The following BCKDHB variants were observed in gnomAD, a reference collection of about 807,000 sequenced individuals.
The protein encoded by BCKDHB is 2-oxoisovalerate dehydrogenase subunit beta, mitochondrial.
A neutral mutation model predicts 48.5 loss-of-function variants in BCKDHB; 41 were observed. That is an observed-to-expected ratio of 0.85 (90% CI 0.66 to 1.10). BCKDHB has a LOEUF of 1.10. Ranked by LOEUF, BCKDHB falls within the 50% of genes least tolerant of loss-of-function variation. The pLI is 0.00. For missense variants in BCKDHB, 496 were observed against 494.2 expected (o/e 1.00, Z -0.03); for synonymous variants, 201 against 174.8 (o/e 1.15, Z -1.18).
At chr6:80,442,464 T>C in the BCKDHB span, among the ~76,000 whole-genome samples, 1 of 152,220 alleles carries the variant, frequency 6.6e-6, no homozygotes, top group African/African-American at 2.4e-5. Context: ...TGTATATGTG[T>C]ATGTGATATG....
At chr6:80,461,825 C>T in the BCKDHB span, among the ~76,000 whole-genome samples, 3 of 152,060 alleles carry the variant, frequency 2.0e-5, no homozygotes, top group African/African-American at 4.8e-5. Context: ...AACAGTTGTC[C>T]TTATGATGTA....
At chr6:80,370,468 T>C in the BCKDHB span, among the ~76,000 whole-genome samples, 2 of 152,114 alleles carry the variant, frequency 1.3e-5, no homozygotes, top group African/African-American at 4.8e-5. Context: ...AGTTCTCTAG[T>C]GGTGATTTAT....
chr6:80,333,329 T>C (rs1382221021), intron 9 of BCKDHB, among the ~76,000 whole-genome samples: 1 of 152,192 alleles, frequency 6.6e-6, no homozygotes, highest in Non-Finnish European at 1.5e-5. Context: ...CATAAAGTTG[T>C]TGAAAGGATT....
the BCKDHB span, among the ~76,000 whole-genome samples, chr6:80,375,718 A>C: frequency 6.6e-6 from 1 of 152,116 alleles, no homozygotes; most frequent in South Asian, 2.1e-4. Flanking sequence ...TGGGTGTGTT[A>C]AAGAACTTGT....
At chr6:80,122,837 T>A (rs1469779407) in intron 1 of BCKDHB, among the ~76,000 whole-genome samples, 1 of 152,006 alleles carries the variant, frequency 6.6e-6, no homozygotes, top group Non-Finnish European at 1.5e-5. Context: ...GACCACAAAT[T>A]TACCAGCTTG....
chr6:80,109,248 T>C (rs943811027), intron 1 of BCKDHB, among the ~76,000 whole-genome samples: 2 of 152,228 alleles, frequency 1.3e-5, no homozygotes, highest in African/African-American at 4.8e-5. Context: ...CAGAAGGTTG[T>C]TGTGAGGGCT....
At chr6:80,139,406 A>G (rs961601806) in intron 3 of BCKDHB, among the ~76,000 whole-genome samples, 1 of 152,066 alleles carries the variant, frequency 6.6e-6, no homozygotes, top group Non-Finnish European at 1.5e-5. Flanking sequence ...GGTACTTCCT[A>G]GGTTTTCTTC....
the BCKDHB span, among the ~76,000 whole-genome samples, chr6:80,398,300 TA>T: frequency 6.6e-5 from 10 of 150,638 alleles, no homozygotes; most frequent in East Asian, 7.8e-4. Flanking sequence ...ATTGGTTTAT[TA>T]AAAAAAAATA....
downstream of BCKDHB, among the ~76,000 whole-genome samples, chr6:80,349,538 C>T (rs565875695): frequency 8.5e-5 from 13 of 152,120 alleles, no homozygotes; most frequent in South Asian, 2.5e-3. Flanking sequence ...GGTTAAAAAA[C>T]AAAATCCAAT....
At chr6:80,232,290 T>A (rs970998775) in intron 8 of BCKDHB, among the ~76,000 whole-genome samples, 18 of 152,042 alleles carry the variant, frequency 1.2e-4, no homozygotes, top group East Asian at 9.7e-4. Context: ...TTTTTTTTTT[T>A]AATCTCTACT....
intron 2 of BCKDHB, 151 bp from the exon 3 acceptor site, chr6:80,129,010 A>G: frequency 1.6e-6 from 1 of 638,416 alleles, no homozygotes; most frequent in South Asian, 2.1e-5. Context: ...TAAAATGTCA[A>G]TAATGTAGAA....
At chr6:80,229,796 C>A (rs933486546) in intron 8 of BCKDHB, among the ~76,000 whole-genome samples, 1 of 151,152 alleles carries the variant, frequency 6.6e-6, no homozygotes, top group African/African-American at 2.4e-5. Flanking sequence ...TAAGAAATAG[C>A]CAGAAATGGA....
At chr6:80,238,519 G>T (rs1165671180) in intron 8 of BCKDHB, among the ~76,000 whole-genome samples, 4 of 152,160 alleles carry the variant, frequency 2.6e-5, no homozygotes, top group Non-Finnish European at 5.9e-5. Flanking sequence ...ACCAGAGTAG[G>T]CTCAGAGACT....
chr6:80,412,534 T>G, the BCKDHB span, among the ~76,000 whole-genome samples: 2 of 152,240 alleles, frequency 1.3e-5, no homozygotes, highest in African/African-American at 4.8e-5. Flanking sequence ...TAACTTTTAT[T>G]ATAGAGTTAA....
intron 8 of BCKDHB, among the ~76,000 whole-genome samples, chr6:80,257,995 A>T (rs1263493395): frequency 6.6e-6 from 1 of 152,052 alleles, no homozygotes; most frequent in East Asian, 1.9e-4. Flanking sequence ...TATATTTATT[A>T]TAAAAATCTA....
At position 80,144,114 on chromosome 6, in the gene BCKDHB, A is replaced by G. The variant is rs542284612; in HGVS notation, c.343+14885A>G. ...TGGATGTTCCTCAAAACTCAAAAGG[A>G]AACTCAAAATCACTTCAGGAACATC... On this transcript the variant is annotated intron_variant, in intron 3 of 9. Coordinates refer to ENST00000320393, the MANE Select transcript of BCKDHB (RefSeq NM_183050.4). 1.7e-4 allele frequency among the ~76,000 whole-genome samples: 26 copies of G among 152,272 alleles called. No individual in the cohort carries two copies. The South Asian group carries it at 5.4e-3, about 32-fold the overall frequency.
intron 3 of BCKDHB, among the ~76,000 whole-genome samples, chr6:80,129,613 AAGAG>A (rs372069217): frequency 8.0e-5 from 12 of 149,614 alleles, no homozygotes; most frequent in South Asian, 4.2e-4. Flanking sequence ...TCTTTTCGGG[AAGAG>A]AGAGAGAGAG....
At chr6:80,410,279 C>T in the BCKDHB span, among the ~76,000 whole-genome samples, 3 of 152,198 alleles carry the variant, frequency 2.0e-5, no homozygotes, top group African/African-American at 7.2e-5. Flanking sequence ...CTGGCCCCCA[C>T]ATTCTTCTTG....
the BCKDHB span, among the ~76,000 whole-genome samples, chr6:80,423,435 G>A: frequency 2.0e-4 from 31 of 152,238 alleles, no homozygotes; most frequent in African/African-American, 7.2e-4. Flanking sequence ...TCTTGAAGGC[G>A]ATATGGGTTG....
Sources: gnomAD v4.1 joint callset for allele counts (sites outside exome capture counted in the v4.1 genomes callset) on GRCh38, gnomAD v4.1.1 for gene constraint, MANE v1.5 for transcripts, NCBI Gene and HGNC (gene_info 2026-07-23, HGNC 2026-07-21) for gene names.